MGLL: variants seen among roughly 807,000 people sequenced by gnomAD.
The protein encoded by MGLL is monoglyceride lipase, also known as lysophospholipase homolog.
In MGLL, 7 loss-of-function variants were observed where a neutral mutation model predicts 29.1. The observed-to-expected ratio is 0.24, with a 90% CI of 0.14 to 0.45. The LOEUF (loss-of-function observed/expected upper bound fraction) is 0.45. Among genes scored for constraint, MGLL ranks in the 20% least tolerant of loss-of-function variants. The probability of loss-of-function intolerance (pLI) is 0.99; values close to 1 mark genes in which losing one functional copy is unlikely to be tolerated. For missense variants in MGLL, 356 were observed against 413.6 expected, an observed-to-expected ratio of 0.86 and a Z score of 1.21; for synonymous variants, 148 against 168.3, an observed-to-expected ratio of 0.88 and a Z score of 0.93.
intron 2 of MGLL, among the ~76,000 whole-genome samples, chr3:127,802,800 C>T (rs866748176): frequency 6.6e-6 from 1 of 152,178 alleles, no homozygotes; most frequent in Admixed American, 6.5e-5. Flanking sequence ...TGGAACTGCC[C>T]TTCTGGGAAA....
chr3:127,816,874 G>C (rs533280093), intron 2 of MGLL, among the ~76,000 whole-genome samples: 4 of 152,364 alleles, frequency 2.6e-5, no homozygotes, highest in Non-Finnish European at 4.4e-5. Context: ...CCACAGTTCT[G>C]AGGACTTGGG....
intron 2 of MGLL, among the ~76,000 whole-genome samples, chr3:127,790,724 C>T (rs923032669): frequency 1.3e-5 from 2 of 152,176 alleles, no homozygotes; most frequent in Non-Finnish European, 2.9e-5. Context: ...CCTATTTTCC[C>T]GTTAGCACAG....
chr3:127,779,547 C>T (rs1280429005), intron 3 of MGLL, among the ~76,000 whole-genome samples: 8 of 151,462 alleles, frequency 5.3e-5, no homozygotes, highest in African/African-American at 1.5e-4. Flanking sequence ...TGTAATGCAG[C>T]GGCGCAGGAC....
At chr3:127,726,321 AGAAAGAAAGAAAGAG>A (rs1217092203) in intron 3 of MGLL, among the ~76,000 whole-genome samples, 8 of 150,292 alleles carry the variant, frequency 5.3e-5, no homozygotes, top group East Asian at 1.9e-4. Flanking sequence ...AGAAAGAAAG[AGAAAGAAAGAAAGAG>A]GAAAGAAAGA....
At chr3:127,693,686 A>G (rs1261574748) in intron 7 of MGLL, among the ~76,000 whole-genome samples, 3 of 152,066 alleles carry the variant, frequency 2.0e-5, no homozygotes, top group Admixed American at 2.0e-4. Flanking sequence ...CCTTAGGGGC[A>G]CCGACTCCTC....
intron 2 of MGLL, among the ~76,000 whole-genome samples, chr3:127,807,602 G>A (rs997679645): frequency 6.6e-6 from 1 of 151,740 alleles, no homozygotes; most frequent in Non-Finnish European, 1.5e-5. Context: ...TCTCTGGTTG[G>A]TAACTCTGTC....
At chr3:127,804,956 T>C (rs2077540611) in intron 2 of MGLL, among the ~76,000 whole-genome samples, 1 of 152,158 alleles carries the variant, frequency 6.6e-6, no homozygotes, top group South Asian at 2.1e-4. Flanking sequence ...ATGGGGGTCT[T>C]GGAGAGACGG....
chr3:127,766,095 A>C (rs572636396), intron 3 of MGLL, among the ~76,000 whole-genome samples: 3 of 152,326 alleles, frequency 2.0e-5, no homozygotes, highest in African/African-American at 7.2e-5. Context: ...CCAACGTCAC[A>C]AATGTCATGT....
chr3:127,694,917 G>A (rs2075326964), intron 7 of MGLL, 58 bp downstream of exon 7: 8 of 1,560,386 alleles, frequency 5.1e-6, no homozygotes, highest in Non-Finnish European at 7.1e-6. Flanking sequence ...CCCAAGGGGT[G>A]CTGCCTTCCT....
chr3:127,780,115 G>C (rs558594155), intron 3 of MGLL, among the ~76,000 whole-genome samples: 6 of 152,282 alleles, frequency 3.9e-5, no homozygotes, highest in African/African-American at 1.2e-4. Context: ...AACATCAAAA[G>C]GTGGGCTGTT....
intron 3 of MGLL, among the ~76,000 whole-genome samples, chr3:127,734,036 G>A (rs558068682): frequency 8.5e-5 from 13 of 152,232 alleles, no homozygotes; most frequent in African/African-American, 2.9e-4. Context: ...GGAGGCCCAG[G>A]TCTGAAGTAG....
At chr3:127,748,545 C>A (rs2076497261) in intron 3 of MGLL, among the ~76,000 whole-genome samples, 1 of 151,664 alleles carries the variant, frequency 6.6e-6, no homozygotes, top group Non-Finnish European at 1.5e-5. Flanking sequence ...AAGGTCTTTG[C>A]CAAGGTAATG....
intron 6 of MGLL, among the ~76,000 whole-genome samples, chr3:127,703,520 C>G (rs2075539815): frequency 6.6e-6 from 1 of 152,204 alleles, no homozygotes; most frequent in African/African-American, 2.4e-5. Flanking sequence ...TGTTTTGAGT[C>G]CTTCCTCTTG....
intron 3 of MGLL, among the ~76,000 whole-genome samples, chr3:127,737,766 T>A (rs2076270380): frequency 6.8e-6 from 1 of 146,984 alleles, no homozygotes; most frequent in South Asian, 2.3e-4. Context: ...TGCCTCAGCC[T>A]CCCAAGTAGC....
chr3:127,708,638 T>C (rs564378847), intron 6 of MGLL, among the ~76,000 whole-genome samples: 20 of 152,378 alleles, frequency 1.3e-4, no homozygotes, highest in African/African-American at 4.3e-4. Flanking sequence ...GATTTGCACC[T>C]GGGTGCTTTG....
intron 3 of MGLL, among the ~76,000 whole-genome samples, chr3:127,755,787 G>A (rs142435450): frequency 6.6e-6 from 1 of 152,290 alleles, no homozygotes; most frequent in East Asian, 1.9e-4. Context: ...ATTTATCAAA[G>A]ACACTTTCTA....
At chr3:127,742,611 A>G (rs961972526) in intron 3 of MGLL, among the ~76,000 whole-genome samples, 1 of 151,526 alleles carries the variant, frequency 6.6e-6, no homozygotes, top group African/African-American at 2.4e-5. Flanking sequence ...AAAAAAAAAA[A>G]AAGCTACAGA....
chr3:127,744,244 C>T (rs548844947), intron 3 of MGLL, among the ~76,000 whole-genome samples: 5 of 152,276 alleles, frequency 3.3e-5, no homozygotes, highest in Non-Finnish European at 5.9e-5. Context: ...TATTTGAAAA[C>T]ATCCTACTCT....
intron 3 of MGLL, among the ~76,000 whole-genome samples, chr3:127,778,319 A>G (rs1028269093): frequency 1.3e-5 from 2 of 152,234 alleles, no homozygotes; most frequent in African/African-American, 4.8e-5. Flanking sequence ...CAGCCCGCTC[A>G]GGGCAACCAC....
Sources: allele counts gnomAD v4.1 joint callset (sites outside exome capture counted in the v4.1 genomes callset), GRCh38; gene constraint gnomAD v4.1.1; transcripts MANE v1.5; gene names NCBI Gene and HGNC (gene_info 2026-07-23, HGNC 2026-07-21).